The following TMEM182 variants were observed in gnomAD, a reference collection of about 807,000 sequenced individuals.
TMEM182 encodes the protein transmembrane protein 182.
TMEM182 carries 20 observed loss-of-function variants against 26.8 expected under a neutral mutation model. The observed-to-expected ratio is 0.75, with a 90% CI of 0.53 to 1.09. The LOEUF (loss-of-function observed/expected upper bound fraction) is 1.09, where lower values mean the gene tolerates loss of function less well. Among genes scored for constraint, TMEM182 ranks in the 50% least tolerant of loss-of-function variants. The probability of loss-of-function intolerance (pLI) is 0.00; values close to 1 mark genes in which losing one functional copy is unlikely to be tolerated. For missense variants in TMEM182, 277 were observed against 275.5 expected, an observed-to-expected ratio of 1.01 and a Z score of -0.04; for synonymous variants, 109 against 102.2, an observed-to-expected ratio of 1.07 and a Z score of -0.40.
At position 102,814,848 on chromosome 2, in the gene TMEM182, T is replaced by A; in HGVS notation, c.570T>A (p.Asp190Glu). The A allele has an allele frequency of 6.2e-7, 1 of 1,613,900 alleles. No homozygotes were observed. Among genetic ancestry groups the A allele is most frequent in the Non-Finnish European group, 8.5e-7 (1 of 1,179,954 alleles). ...YRNMKMKDCL[D>E]FTPSVLYGWS... ...ACATGAAAATGAAGGACTGCCTGGATTTCACCCCTTCTGTTCTGTATGGCT... is the reference window on the plus strand; with the variant it reads ...ACATGAAAATGAAGGACTGCCTGGAATTCACCCCTTCTGTTCTGTATGGCT... The change falls in exon 5 of 5, where the codon GAT becomes GAA. Residue 190 changes from aspartate (D) to glutamate (E), a missense_variant. Transcript: ENST00000412401.
intron 1 of TMEM182, among the ~76,000 whole-genome samples, chr2:102,740,330 A>G (rs1223667350): frequency 1.3e-5 from 2 of 152,164 alleles, no homozygotes; most frequent in Non-Finnish European, 2.9e-5. Context: ...GGTTACCTCC[A>G]TGCTGTTCTC....
At chr2:102,788,849 A>G (rs1681514595) in intron 3 of TMEM182, among the ~76,000 whole-genome samples, 1 of 152,198 alleles carries the variant, frequency 6.6e-6, no homozygotes, top group Non-Finnish European at 1.5e-5. Flanking sequence ...CTTAGCGTCC[A>G]GAAAACAAAT....
chr2:102,771,614 A>G (rs190890724), intron 3 of TMEM182, among the ~76,000 whole-genome samples: 255 of 152,214 alleles, frequency 1.7e-3, no homozygotes, highest in African/African-American at 5.7e-3. Context: ...TGAAAACAAG[A>G]CCTGTGATTA....
In TMEM182 at chr2:102,816,742, GC is replaced by G. The variant is rs1157788555; in HGVS notation, c.*1776del. 10 of 985,646 alleles carry G rather than the reference GC, an allele frequency of 1.0e-5. No individual in the cohort carries two copies. The African/African-American group carries it at 1.7e-4, about 17-fold the overall frequency. 61.1% of individuals were successfully genotyped at this position (985,646 alleles called of 1,614,324 possible). A position where few individuals can be genotyped will look rare whatever the true frequency, so the allele number is the denominator to read the frequency against. On this transcript the variant is annotated 3_prime_UTR_variant, in exon 5 of 5. Transcript: ENST00000412401. ...TGACTGTGATATTAAGTTATGGCAT[GC>G]CATTAAGTTTTCCAGACGATGTTGG...
intron 1 of TMEM182, among the ~76,000 whole-genome samples, chr2:102,749,261 A>C (rs577332841): frequency 2.3e-4 from 35 of 152,212 alleles, no homozygotes; most frequent in Non-Finnish European, 4.9e-4. Context: ...AAGTAGTGAC[A>C]CATTCTACAA....
chr2:102,834,660 G>T (rs552440229), intron 3 of TMEM182, among the ~76,000 whole-genome samples: 3 of 152,282 alleles, frequency 2.0e-5, no homozygotes, highest in African/African-American at 7.2e-5. Context: ...TAGATCCAGG[G>T]TCTCTGAATA....
chr2:102,781,915 A>T (rs1192074040), intron 3 of TMEM182, among the ~76,000 whole-genome samples: 3 of 152,206 alleles, frequency 2.0e-5, no homozygotes, highest in Admixed American at 2.0e-4. Context: ...CAGTGAAATT[A>T]TCAACAATTA....
At chr2:102,835,056 G>C (rs1683220063) in intron 3 of TMEM182, among the ~76,000 whole-genome samples, 2 of 152,126 alleles carry the variant, frequency 1.3e-5, no homozygotes, top group Non-Finnish European at 2.9e-5. Flanking sequence ...GGCGGGGATG[G>C]GAAAGGCTCA....
At chr2:102,742,416 C>T (rs1246051969) in intron 1 of TMEM182, among the ~76,000 whole-genome samples, 2 of 151,946 alleles carry the variant, frequency 1.3e-5, no homozygotes, top group African/African-American at 4.8e-5. Flanking sequence ...GTATAAGATA[C>T]CATTTGGTAT....
At chr2:102,839,225 A>T (rs761542536) in intron 3 of TMEM182, among the ~76,000 whole-genome samples, 3 of 152,086 alleles carry the variant, frequency 2.0e-5, no homozygotes, top group Non-Finnish European at 4.4e-5. Context: ...GATCCCACAG[A>T]TCACATCAAA....
chr2:102,842,910 C>T (rs1381565020), intron 3 of TMEM182, among the ~76,000 whole-genome samples: 3 of 152,158 alleles, frequency 2.0e-5, no homozygotes, highest in African/African-American at 7.2e-5. Flanking sequence ...TTGCCCCTTC[C>T]AGGGATGCTG....
Position 102,815,557 on chromosome 2 carries a change from G to A in TMEM182, c.*589G>A. ...AAGACTGAGAGCATGTACTTATCTT[G>A]CTTTTTCACCAACAGTGGTTTGGTT... On this transcript the variant is annotated 3_prime_UTR_variant, in exon 5 of 5. Coordinates refer to ENST00000412401, the MANE Select transcript of TMEM182 (RefSeq NM_144632.5). 1 of 985,432 alleles carries A rather than the reference G, an allele frequency of 1.0e-6. No homozygotes were observed. Among genetic ancestry groups the A allele is most frequent in the African/African-American group, 1.7e-5 (1 of 57,352 alleles). The allele number at this position is 985,432 out of a possible 1,614,324, so 61.0% of individuals were successfully genotyped here.
intron 3 of TMEM182, among the ~76,000 whole-genome samples, chr2:102,837,545 G>C (rs1490891754): frequency 2.0e-5 from 3 of 150,348 alleles, no homozygotes; most frequent in Non-Finnish European, 4.5e-5. Flanking sequence ...TGGGGGGTTC[G>C]GGGGGTTCAG....
At chr2:102,798,145 A>T in intron 4 of TMEM182, 145 bp downstream of exon 4, 1 of 1,075,574 alleles carries the variant, frequency 9.3e-7, no homozygotes, top group South Asian at 1.8e-5. Flanking sequence ...ACTAACTAAT[A>T]ATATTTGTAT....
At chr2:102,835,851 C>A in intron 3 of TMEM182, among the ~76,000 whole-genome samples, 1 of 131,726 alleles carries the variant, frequency 7.6e-6, no homozygotes, top group African/African-American at 2.8e-5. Flanking sequence ...TCCCCCCTCC[C>A]CCGACCCCAC....
intron 3 of TMEM182, 87 bp from the exon 4 acceptor site, chr2:102,797,776 A>G (rs1242085334): frequency 3.4e-6 from 5 of 1,488,950 alleles, no homozygotes; most frequent in Non-Finnish European, 4.5e-6. Flanking sequence ...AAAAATGAAG[A>G]TGAAAGCAAC....
chr2:102,813,237 C>T (rs2732821), intron 4 of TMEM182, among the ~76,000 whole-genome samples: 46,581 of 152,014 alleles, frequency 0.31, 7,332 homozygotes, highest in South Asian at 0.42. Flanking sequence ...TTTGTGTTTA[C>T]TTTTCAAGAT....
At chr2:102,746,830 G>A (rs532305458) in intron 1 of TMEM182, among the ~76,000 whole-genome samples, 15 of 152,152 alleles carry the variant, frequency 9.9e-5, no homozygotes, top group South Asian at 8.3e-4. Context: ...CTTATGATTC[G>A]CCCGTCTCGG....
chr2:102,773,298 T>C (rs1680760366), intron 3 of TMEM182, among the ~76,000 whole-genome samples: 1 of 151,764 alleles, frequency 6.6e-6, no homozygotes, highest in Non-Finnish European at 1.5e-5. Context: ...ACACAGTAGT[T>C]AGAAGATGAT....
Sources: allele counts gnomAD v4.1 joint callset (sites outside exome capture counted in the v4.1 genomes callset), GRCh38; gene constraint gnomAD v4.1.1; transcripts MANE v1.5; gene names NCBI Gene and HGNC (gene_info 2026-07-23, HGNC 2026-07-21).